Variants in LINGO1 observed in about 807,000 individuals in gnomAD.
LINGO1 encodes the protein leucine rich repeat and Ig domain containing 1.
A neutral mutation model predicts 37.3 loss-of-function variants in LINGO1; 11 were observed. That is an observed-to-expected ratio of 0.29 (90% CI 0.19 to 0.49). The LOEUF (loss-of-function observed/expected upper bound fraction) is 0.49, where lower values mean the gene tolerates loss of function less well. Among genes scored for constraint, LINGO1 ranks in the 20% least tolerant of loss-of-function variants. The pLI, the probability that LINGO1 is intolerant of heterozygous loss-of-function variation, is 0.99. For missense variants in LINGO1, 585 were observed against 878.2 expected (o/e 0.67, Z 4.22); for synonymous variants, 387 against 403.0 (o/e 0.96, Z 0.48).
At chr15:77,694,436 C>T (rs918753914) in intron 1 of LINGO1, among the ~76,000 whole-genome samples, 1 of 152,120 alleles carries the variant, frequency 6.6e-6, no homozygotes, top group African/African-American at 2.4e-5. Context: ...TGGCCTCACA[C>T]CTAGGGACCT....
In LINGO1 at chr15:77,719,238, G is replaced by A. The variant is rs908371241; in HGVS notation, c.-195+15754C>T. On this transcript the variant is annotated intron_variant, in intron 2 of 3. Transcript: ENST00000561686. ...CCTCTGGGCAGTGACAGGACTGAGC[G>A]GCTCCCCAGGCCTGGGGTGGCTGGG... Among the ~76,000 whole-genome samples the A allele has an allele frequency of 2.2e-4, 33 of 150,122 alleles. 4 individuals are homozygous for A. The highest frequency in any genetic ancestry group is 4.4e-4 in the South Asian group (2 of 4,596).
chr15:77,807,454 A>T (rs977591423), intron 1 of LINGO1, among the ~76,000 whole-genome samples: 1 of 152,202 alleles, frequency 6.6e-6, no homozygotes, highest in African/African-American at 2.4e-5. Context: ...CCTGGCCCTC[A>T]AGTTGCTTCA....
chr15:77,769,094 T>C (rs2076558383), intron 1 of LINGO1, among the ~76,000 whole-genome samples: 1 of 152,130 alleles, frequency 6.6e-6, no homozygotes, highest in Non-Finnish European at 1.5e-5. Flanking sequence ...CTGGCCTCCC[T>C]GCTCCAGACC....
intron 1 of LINGO1, among the ~76,000 whole-genome samples, chr15:77,623,625 C>G (rs1314744656): frequency 6.6e-6 from 1 of 152,218 alleles, no homozygotes; most frequent in Non-Finnish European, 1.5e-5. Flanking sequence ...GGCTGGGGGC[C>G]AGGCAGCCAG....
intron 1 of LINGO1, among the ~76,000 whole-genome samples, chr15:77,738,811 G>A (rs866798227): frequency 1.3e-5 from 2 of 148,728 alleles, no homozygotes; most frequent in African/African-American, 2.5e-5. Context: ...AAGGAAGGAA[G>A]GAAAGAAGGA....
rs1031701332 is a variant in LINGO1, at chr15:77,662,566, A to G, written c.-13+14523T>C. 5.3e-5 allele frequency among the ~76,000 whole-genome samples: 8 copies of G among 152,194 alleles called. No individual in the cohort carries two copies. The South Asian group carries it at 1.5e-3, about 28-fold the overall frequency. ...TTTAGCAGCCCCCAGCTCAAGGCCA[A>G]GGACTAGCTTCCTTGGCCCTGGGTT... On this transcript the variant is annotated intron_variant, in intron 3 of 3. Coordinates refer to the LINGO1 transcript ENST00000559893.
At chr15:77,689,554 G>A (rs12906523) in intron 2 of LINGO1, among the ~76,000 whole-genome samples, 12,377 of 152,236 alleles carry the variant, frequency 0.081, 573 homozygotes, top group Middle Eastern at 0.13. Flanking sequence ...GGTGGCTCAC[G>A]GCCAATGACT....
chr15:77,773,936 C>G (rs963242276), intron 1 of LINGO1, among the ~76,000 whole-genome samples: 1 of 152,112 alleles, frequency 6.6e-6, no homozygotes, highest in Non-Finnish European at 1.5e-5. Context: ...AACAACATCT[C>G]TCCTCAGTCC....
chr15:77,776,409 G>A (rs2076639279), intron 1 of LINGO1, among the ~76,000 whole-genome samples: 1 of 151,884 alleles, frequency 6.6e-6, no homozygotes, highest in Non-Finnish European at 1.5e-5. Flanking sequence ...GCTTATGGTG[G>A]AGGTGGTCTT....
chr15:77,751,334 C>A (rs555674587), intron 1 of LINGO1, among the ~76,000 whole-genome samples: 181 of 152,346 alleles, frequency 1.2e-3, no homozygotes, highest in African/African-American at 4.2e-3. Flanking sequence ...GCAAGGCTGG[C>A]TGCTTTTAGG....
chr15:77,772,819 T>C (rs1454436313), intron 1 of LINGO1, among the ~76,000 whole-genome samples: 1 of 152,090 alleles, frequency 6.6e-6, no homozygotes, highest in Non-Finnish European at 1.5e-5. Flanking sequence ...GCCAAAAACA[T>C]CATCATAATT....
chr15:77,661,559 G>A (rs999799244), intron 3 of LINGO1, among the ~76,000 whole-genome samples: 2 of 152,222 alleles, frequency 1.3e-5, no homozygotes, highest in Non-Finnish European at 1.5e-5. Flanking sequence ...GAGACTCAGC[G>A]CCAGACACTA....
chr15:77,629,324 C>T (rs2074185706), intron 1 of LINGO1, among the ~76,000 whole-genome samples: 1 of 147,544 alleles, frequency 6.8e-6, no homozygotes, highest in South Asian at 2.1e-4. Flanking sequence ...ATTCATTCTT[C>T]CACAACCAAA....
chr15:77,701,917 T>A (rs2075788514), intron 2 of LINGO1, among the ~76,000 whole-genome samples: 2 of 152,132 alleles, frequency 1.3e-5, no homozygotes, highest in Admixed American at 6.5e-5. Context: ...ACAAACGGAC[T>A]AAGAGAGCTT....
intron 1 of LINGO1, among the ~76,000 whole-genome samples, chr15:77,811,222 C>T (rs1332634195): frequency 6.6e-6 from 1 of 152,232 alleles, no homozygotes; most frequent in African/African-American, 2.4e-5. Context: ...CCCTGCATGG[C>T]CCAAGCCTGA....
At chr15:77,704,824 T>A (rs775174878) in intron 2 of LINGO1, among the ~76,000 whole-genome samples, 1 of 151,874 alleles carries the variant, frequency 6.6e-6, no homozygotes, top group African/African-American at 2.4e-5. Context: ...GCATACATAC[T>A]GAGCCCTGAC....
At position 77,632,336 on chromosome 15, in the gene LINGO1, G is replaced by C. The variant is rs867575912; in HGVS notation, c.-21C>G. The C allele has an allele frequency of 3.5e-6, 5 of 1,433,048 alleles. No individual in the cohort carries two copies. Among genetic ancestry groups the C allele is most frequent in the Admixed American group, 5.0e-5 (2 of 40,010 alleles). 88.8% of individuals were successfully genotyped at this position (1,433,048 alleles called of 1,614,324 possible). A position where few individuals can be genotyped will look rare whatever the true frequency, so the allele number is the denominator to read the frequency against. The stretch of plus-strand genomic sequence containing the variant: ...TGCATCTCGGGCGCGCCTTCGGTCC[G>C]CTCGGCTCGGTCACCAATCGCATGT... On this transcript the variant is annotated 5_prime_UTR_variant, in exon 1 of 2. Coordinates refer to ENST00000355300, the MANE Select transcript of LINGO1 (RefSeq NM_032808.7). The surrounding 1 kb of genome is among the most constrained non-coding windows in gnomAD (Gnocchi z 6.0).
intron 3 of LINGO1, among the ~76,000 whole-genome samples, chr15:77,640,283 T>G (rs912008112): frequency 2.0e-5 from 3 of 152,170 alleles, no homozygotes; most frequent in Non-Finnish European, 4.4e-5. Context: ...TGGTCCCAGC[T>G]ACATGGCAGG....
At chr15:77,713,912 G>A (rs1290667659) in intron 2 of LINGO1, among the ~76,000 whole-genome samples, 1 of 152,046 alleles carries the variant, frequency 6.6e-6, no homozygotes, top group Non-Finnish European at 1.5e-5. Context: ...ACATGGTGGT[G>A]ATCCCAGCGT....
Sources: gnomAD v4.1 joint callset for allele counts (sites outside exome capture counted in the v4.1 genomes callset) on GRCh38, gnomAD v4.1.1 for gene constraint, Gnocchi (gnomAD v3.1) non-coding constraint, MANE v1.5 for transcripts, NCBI Gene and HGNC (gene_info 2026-07-23, HGNC 2026-07-21) for gene names.